Variants in THEMIS observed in about 807,000 individuals in gnomAD.
THEMIS encodes protein THEMIS.
A neutral mutation model predicts 52.6 loss-of-function variants in THEMIS; 37 were observed. The observed-to-expected ratio is 0.70, with a 90% CI of 0.54 to 0.93. The LOEUF is 0.93. THEMIS is among the 40% of genes least tolerant of loss of function. The pLI, the probability that THEMIS is intolerant of heterozygous loss-of-function variation, is 0.00. For missense variants in THEMIS, 808 were observed against 763.1 expected (o/e 1.06, Z -0.69); for synonymous variants, 292 against 272.7 (o/e 1.07, Z -0.70).
chr6:127,894,744 A>T (rs1780912513), intron 1 of THEMIS, among the ~76,000 whole-genome samples: 1 of 151,672 alleles, frequency 6.6e-6, no homozygotes, highest in Non-Finnish European at 1.5e-5. Context: ...ATCCAGGAGC[A>T]CTCTAACAAA....
intron 3 of THEMIS, among the ~76,000 whole-genome samples, chr6:127,822,114 A>T (rs972665951): frequency 1.3e-5 from 2 of 151,916 alleles, no homozygotes; most frequent in African/African-American, 4.8e-5. Context: ...CAAAAGTATG[A>T]ACTTCATCTT....
intron 4 of THEMIS, among the ~76,000 whole-genome samples, chr6:127,812,493 C>T: frequency 6.6e-6 from 1 of 152,030 alleles, no homozygotes; most frequent in Non-Finnish European, 1.5e-5. Flanking sequence ...AGGGAGTTTA[C>T]TGTATGTTAA....
chr6:127,902,267 G>A (rs763783601), upstream of THEMIS, among the ~76,000 whole-genome samples: 1 of 147,062 alleles, frequency 6.8e-6, no homozygotes, highest in Non-Finnish European at 1.5e-5. Context: ...TGAGGCTACA[G>A]TGAGTTGTGA....
At chr6:127,857,006 T>C (rs1279464890) in intron 1 of THEMIS, among the ~76,000 whole-genome samples, 2 of 151,960 alleles carry the variant, frequency 1.3e-5, no homozygotes, top group African/African-American at 2.4e-5. Flanking sequence ...AGAAGAAATA[T>C]TGCATTACTT....
intron 2 of THEMIS, among the ~76,000 whole-genome samples, chr6:127,846,910 C>T (rs1779233151): frequency 6.6e-6 from 1 of 151,826 alleles, no homozygotes; most frequent in Non-Finnish European, 1.5e-5. Context: ...CTAACTAAAT[C>T]TAATAGCAAA....
At chr6:127,827,812 C>T (rs1376649841) in intron 3 of THEMIS, among the ~76,000 whole-genome samples, 1 of 152,122 alleles carries the variant, frequency 6.6e-6, no homozygotes, top group African/African-American at 2.4e-5. Flanking sequence ...GGCCTCACTA[C>T]TCTCCTCTGT....
intron 1 of THEMIS, among the ~76,000 whole-genome samples, chr6:127,890,003 T>G (rs1780755446): frequency 6.6e-6 from 1 of 152,134 alleles, no homozygotes. Flanking sequence ...TGTCATTGTC[T>G]GCGTACAACT....
intron 1 of THEMIS, among the ~76,000 whole-genome samples, chr6:127,899,469 T>C (rs750960272): frequency 6.6e-6 from 1 of 151,762 alleles, no homozygotes; most frequent in Admixed American, 6.6e-5. Flanking sequence ...GAACATATAA[T>C]ATGATTTGAA....
intron 2 of THEMIS, among the ~76,000 whole-genome samples, chr6:127,831,302 G>A (rs1423595010): frequency 6.6e-6 from 1 of 152,100 alleles, no homozygotes; most frequent in African/African-American, 2.4e-5. Context: ...TTTTATGGGA[G>A]CAACTGCTTT....
downstream of THEMIS, among the ~76,000 whole-genome samples, chr6:127,705,409 C>T (rs1773785201): frequency 6.6e-6 from 1 of 152,164 alleles, no homozygotes; most frequent in Admixed American, 6.5e-5. Context: ...AACCATTTCT[C>T]ACAAAGGCTG....
intron 3 of THEMIS, among the ~76,000 whole-genome samples, chr6:127,818,769 G>A (rs1196990755): frequency 6.6e-6 from 1 of 151,336 alleles, no homozygotes; most frequent in African/African-American, 2.4e-5. Flanking sequence ...GGAAAGATGG[G>A]TGATGTAAGC....
intron 4 of THEMIS, among the ~76,000 whole-genome samples, chr6:127,738,636 A>C (rs1391921149): frequency 6.6e-6 from 1 of 152,114 alleles, no homozygotes; most frequent in Non-Finnish European, 1.5e-5. Flanking sequence ...TCCCTGAGTA[A>C]GCCCTGACTT....
rs113740914 is a variant in THEMIS, at chr6:127,855,016, G to A, written c.250+14C>T. 1 of 1,581,960 alleles carries A rather than the reference G, an allele frequency of 6.3e-7. No homozygotes were observed. Among genetic ancestry groups the A allele is most frequent in the Non-Finnish European group, 8.6e-7 (1 of 1,168,050 alleles). On this transcript the variant is annotated intron_variant, in intron 2 of 5. Transcript: ENST00000368248. Reference sequence around the variant, plus strand: ...ATAGTTGTACAAATGATAAGTGGTTGCAATGTGCTGTACCTGGAAAATTCA... The same window carrying A: ...ATAGTTGTACAAATGATAAGTGGTTACAATGTGCTGTACCTGGAAAATTCA...
intron 4 of THEMIS, among the ~76,000 whole-genome samples, chr6:127,777,450 T>C (rs1776603866): frequency 6.6e-6 from 1 of 152,142 alleles, no homozygotes; most frequent in Admixed American, 6.5e-5. Flanking sequence ...GGAAAGCACA[T>C]TTTTCAATGA....
At chr6:127,830,965 C>T (rs987544823) in intron 2 of THEMIS, among the ~76,000 whole-genome samples, 2 of 152,106 alleles carry the variant, frequency 1.3e-5, no homozygotes, top group African/African-American at 2.4e-5. Flanking sequence ...TTATAAAACC[C>T]TTGTGGAAAA....
chr6:127,720,710 T>C (rs1241441282), intron 4 of THEMIS, among the ~76,000 whole-genome samples: 1 of 152,010 alleles, frequency 6.6e-6, no homozygotes, highest in African/African-American at 2.4e-5. Context: ...ATGAAATTCA[T>C]TAAAAGCTTG....
intron 3 of THEMIS, among the ~76,000 whole-genome samples, chr6:127,818,442 C>G (rs1442262499): frequency 1.3e-5 from 2 of 152,090 alleles, no homozygotes; most frequent in Non-Finnish European, 2.9e-5. Context: ...AAAGAAAGCA[C>G]TACATGAAAA....
rs374695973 is a variant in THEMIS at position 127,818,550 on chromosome 6, T to A, written c.710-4619A>T. Among the ~76,000 whole-genome samples, 14 of 151,476 alleles carry A rather than the reference T, an allele frequency of 9.2e-5. No homozygotes were observed. The East Asian group carries it at 1.9e-3, about 21-fold the overall frequency. The stretch of plus-strand genomic sequence containing the variant: ...ATCAAGTTAAGACAATTTATCACAG[T>A]TTATTTTACCTGAAACATCATGTCT... On this transcript the variant is annotated intron_variant, in intron 3 of 5. Transcript: ENST00000368248.
At chr6:127,817,447 T>G (rs1209725159) in intron 3 of THEMIS, among the ~76,000 whole-genome samples, 2 of 152,192 alleles carry the variant, frequency 1.3e-5, no homozygotes, top group Non-Finnish European at 2.9e-5. Context: ...AATGGCCTGT[T>G]CAATGCAATA....
Sources: allele counts gnomAD v4.1 joint callset (sites outside exome capture counted in the v4.1 genomes callset), GRCh38; gene constraint gnomAD v4.1.1; transcripts MANE v1.5; gene names NCBI Gene and HGNC (gene_info 2026-07-23, HGNC 2026-07-21).